Variants in FSHR observed in about 807,000 individuals in gnomAD.
FSHR encodes follicle-stimulating hormone receptor.
Under a neutral mutation model 52.1 loss-of-function variants are expected in FSHR, and 46 were observed. That is an observed-to-expected ratio of 0.88 (90% confidence interval 0.70 to 1.13). The LOEUF is 1.13. Ranked by LOEUF, FSHR falls within the 50% of genes most tolerant of loss-of-function variation. FSHR has a pLI of 0.00. For missense variants in FSHR, 964 were observed against 834.6 expected (o/e 1.16, Z -1.91); for synonymous variants, 399 against 309.6 (o/e 1.29, Z -3.03).
rs143665896 is a variant in FSHR, at chr2:49,127,148, C to T, written c.152+27118G>A. 9.8e-3 allele frequency among the ~76,000 whole-genome samples: 1,495 copies of T among 151,932 alleles called. 28 individuals are homozygous for T. Among genetic ancestry groups the T allele is most frequent in the African/African-American group, 0.034 (1,420 of 41,446 alleles). ...TTTGAGACCGGCCTGGCCAACATGG[C>T]GAAACCCCGTCTCTACTAAAAATAC... On this transcript the variant is annotated intron_variant, in intron 1 of 9. Transcript: ENST00000406846.
chr2:49,043,006 G>C (rs1046566036), intron 2 of FSHR, among the ~76,000 whole-genome samples: 2 of 152,170 alleles, frequency 1.3e-5, no homozygotes, highest in Admixed American at 1.3e-4. Flanking sequence ...AGCATACCAG[G>C]ACCATCCAAG....
chr2:48,985,860 C>T (rs1675483334), intron 6 of FSHR, among the ~76,000 whole-genome samples: 1 of 145,306 alleles, frequency 6.9e-6, no homozygotes, highest in African/African-American at 2.5e-5. Flanking sequence ...ACTACAGGCG[C>T]CCGCCACTGC....
intron 4 of FSHR, chr2:48,997,238 A>G (rs374722275): frequency 1.0e-6 from 1 of 985,102 alleles, no homozygotes; most frequent in South Asian, 4.7e-5. Context: ...TATGTGAGAC[A>G]GTAGGAAAGC....
chr2:48,981,777 C>T (rs1250181363), intron 8 of FSHR, among the ~76,000 whole-genome samples: 2 of 152,292 alleles, frequency 1.3e-5, no homozygotes, highest in Admixed American at 6.5e-5. Context: ...AGAATATTAG[C>T]TATTTGGTGT....
At chr2:49,117,880 C>T (rs1365611921) in intron 1 of FSHR, among the ~76,000 whole-genome samples, 2 of 152,160 alleles carry the variant, frequency 1.3e-5, no homozygotes, top group Admixed American at 6.5e-5. Context: ...CAGTGATGCT[C>T]ACCCATTGTA....
chr2:48,997,844 C>T (rs541097248), intron 4 of FSHR, among the ~76,000 whole-genome samples: 2 of 152,104 alleles, frequency 1.3e-5, no homozygotes, highest in Non-Finnish European at 2.9e-5. Context: ...TATGACACTT[C>T]AGTAGGCTGG....
chr2:49,021,921 A>AGAGAGAGAGAGAGAG (rs1667739794), intron 2 of FSHR, among the ~76,000 whole-genome samples: 2 of 126,766 alleles, frequency 1.6e-5, no homozygotes, highest in Admixed American at 8.2e-5. Context: ...AGAGAGAGAG[A>AGAGAGAGAGAGAGAG]ATGAACACCA....
At chr2:48,993,751 G>C (rs10190280) in intron 4 of FSHR, among the ~76,000 whole-genome samples, 23,155 of 152,046 alleles carry the variant, frequency 0.15, 1,952 homozygotes, top group East Asian at 0.28. Context: ...CTTTCTTTCA[G>C]TTCCTCAGCT....
At chr2:49,133,097 G>T (rs1432405644) in intron 1 of FSHR, among the ~76,000 whole-genome samples, 1 of 151,488 alleles carries the variant, frequency 6.6e-6, no homozygotes, top group South Asian at 2.1e-4. Flanking sequence ...AGAACACAGA[G>T]TTCCCTCTTC....
chr2:49,111,629 C>T (rs1277973021), intron 1 of FSHR, among the ~76,000 whole-genome samples: 3 of 152,084 alleles, frequency 2.0e-5, no homozygotes, highest in Non-Finnish European at 2.9e-5. Flanking sequence ...GTTGCCTGGA[C>T]GGCGGGTTTA....
intron 9 of FSHR, among the ~76,000 whole-genome samples, 180 bp downstream of exon 9, chr2:48,968,518 G>C (rs553203388): frequency 1.4e-4 from 21 of 152,332 alleles, no homozygotes; most frequent in Admixed American, 1.4e-3. Flanking sequence ...TCAAAGAAAT[G>C]AAAGAGTTCA....
chr2:49,082,043 A>G (rs1298943476), intron 1 of FSHR, among the ~76,000 whole-genome samples: 6 of 152,336 alleles, frequency 3.9e-5, no homozygotes, highest in Non-Finnish European at 7.4e-5. Flanking sequence ...CCGAATAGGA[A>G]CAGCTCCAGT....
intron 4 of FSHR, among the ~76,000 whole-genome samples, chr2:48,997,616 A>T (rs1350376137): frequency 6.6e-6 from 1 of 151,992 alleles, no homozygotes; most frequent in Admixed American, 6.6e-5. Flanking sequence ...CAGATCTCTT[A>T]TATTTTACAC....
intron 4 of FSHR, among the ~76,000 whole-genome samples, chr2:49,015,978 T>C (rs1667476907): frequency 6.6e-6 from 1 of 152,180 alleles, no homozygotes; most frequent in African/African-American, 2.4e-5. Flanking sequence ...ACTTTGTTTC[T>C]TTTTCAGACC....
chr2:49,002,785 C>T (rs1253908802), intron 4 of FSHR, among the ~76,000 whole-genome samples: 1 of 152,088 alleles, frequency 6.6e-6, no homozygotes, highest in Non-Finnish European at 1.5e-5. Flanking sequence ...GGCCCTGTTA[C>T]TTGCTTACAA....
chr2:48,981,614 T>A (rs1675251044), intron 8 of FSHR, among the ~76,000 whole-genome samples: 1 of 152,248 alleles, frequency 6.6e-6, no homozygotes, highest in Non-Finnish European at 1.5e-5. Context: ...GTCAGGATGA[T>A]AAATCTACCT....
At chr2:49,141,828 T>G (rs1227467723) in intron 1 of FSHR, among the ~76,000 whole-genome samples, 1 of 152,226 alleles carries the variant, frequency 6.6e-6, no homozygotes, top group Non-Finnish European at 1.5e-5. Context: ...ACTGTGTCTT[T>G]TTTTCCTTGT....
At chr2:49,087,338 T>C (rs1461336862) in intron 1 of FSHR, among the ~76,000 whole-genome samples, 1 of 151,792 alleles carries the variant, frequency 6.6e-6, no homozygotes, top group African/African-American at 2.4e-5. Flanking sequence ...GAGCATTGGA[T>C]GGAAGGGAAA....
intron 1 of FSHR, among the ~76,000 whole-genome samples, chr2:49,127,738 TTTC>T (rs137939058): frequency 0.015 from 1,936 of 126,126 alleles, 211 homozygotes; most frequent in African/African-American, 0.064. Flanking sequence ...TTGTGCATGA[TTTC>T]TTCTTCTTCT....
Sources: allele counts gnomAD v4.1 joint callset (sites outside exome capture counted in the v4.1 genomes callset), GRCh38; gene constraint gnomAD v4.1.1; transcripts MANE v1.5; gene names NCBI Gene and HGNC (gene_info 2026-07-23, HGNC 2026-07-21).